The following RALGPS1 variants were observed in gnomAD, a reference collection of about 807,000 sequenced individuals.
RALGPS1 encodes the protein Ral GEF with PH domain and SH3 binding motif 1, also known as ras-specific guanine nucleotide-releasing factor RalGPS1.
Under a neutral mutation model 78.8 loss-of-function variants are expected in RALGPS1, and 19 were observed. That is an observed-to-expected ratio of 0.24 (90% CI 0.17 to 0.35). RALGPS1 has a LOEUF of 0.35. Among genes scored for constraint, RALGPS1 ranks in the 10% least tolerant of loss-of-function variants. The pLI is 1.00. For missense variants in RALGPS1, 454 were observed against 688.3 expected, an observed-to-expected ratio of 0.66 and a Z score of 3.81; for synonymous variants, 228 against 256.3, an observed-to-expected ratio of 0.89 and a Z score of 1.06.
rs1230199298 is a variant in RALGPS1, at chr9:127,178,690, CAA to C, written c.910+3909_910+3910del. Among the ~76,000 whole-genome samples, 17 of 152,326 alleles carry C rather than the reference CAA, an allele frequency of 1.1e-4. No individual in the cohort carries two copies. In the East Asian group the frequency reaches 3.3e-3, roughly 29 times the overall value. On this transcript the variant is annotated intron_variant, in intron 11 of 18. Transcript: ENST00000259351. ...TCCACCCTCTGTTTTCATATGGGCACAACCACCCCTCTTTGGTTGACATATCG... is the reference window on the plus strand; with the variant it reads ...TCCACCCTCTGTTTTCATATGGGCACCCACCCCTCTTTGGTTGACATATCG...
intron 8 of RALGPS1, among the ~76,000 whole-genome samples, chr9:127,128,521 C>T (rs778647766): frequency 1.3e-5 from 2 of 152,194 alleles, no homozygotes; most frequent in Non-Finnish European, 2.9e-5. Context: ...GCTGAGGAGC[C>T]AAAAGGCAGA....
intron 1 of RALGPS1, among the ~76,000 whole-genome samples, chr9:126,933,366 C>T (rs1173453691): frequency 1.3e-5 from 2 of 152,148 alleles, no homozygotes; most frequent in East Asian, 3.9e-4. Context: ...TGACCCCAGT[C>T]TTCGGGCAGG....
At chr9:126,980,674 A>T (rs1301706519) in intron 4 of RALGPS1, among the ~76,000 whole-genome samples, 1 of 152,176 alleles carries the variant, frequency 6.6e-6, no homozygotes, top group Non-Finnish European at 1.5e-5. Flanking sequence ...TTTCTTGCGT[A>T]GTTACTAAGA....
In RALGPS1 at chr9:126,963,752, G is replaced by A. The variant is rs1005010629; in HGVS notation, c.57+1406G>A. ...GAACAAGCTGGCTTGGAATCACACA[G>A]CTGCCATGTGGGTGGGGATTCAAAG... On this transcript the variant is annotated intron_variant, in intron 2 of 18. Transcript: ENST00000259351. 2.6e-5 allele frequency among the ~76,000 whole-genome samples: 4 copies of A among 152,212 alleles called. No individual in the cohort carries two copies. The East Asian group carries it at 5.8e-4, about 22-fold the overall frequency.
chr9:127,052,207 AC>A (rs1194395836), intron 6 of RALGPS1, among the ~76,000 whole-genome samples: 1 of 152,030 alleles, frequency 6.6e-6, no homozygotes, highest in Non-Finnish European at 1.5e-5. Flanking sequence ...GAGAAATGGC[AC>A]CCCCGTCCTG....
chr9:127,106,242 G>T (rs1159669352), intron 8 of RALGPS1, among the ~76,000 whole-genome samples: 2 of 134,470 alleles, frequency 1.5e-5, no homozygotes, highest in Non-Finnish European at 3.5e-5. Flanking sequence ...CTGAGCCTTT[G>T]TTTGGTGCCC....
At chr9:127,081,401 G>T (rs1190002562) in intron 8 of RALGPS1, among the ~76,000 whole-genome samples, 1 of 152,168 alleles carries the variant, frequency 6.6e-6, no homozygotes, top group Non-Finnish European at 1.5e-5. Context: ...GGCCTGCACT[G>T]CCCTGATTGA....
At chr9:126,918,612 C>T (rs60576084) in intron 1 of RALGPS1, among the ~76,000 whole-genome samples, 3,167 of 151,336 alleles carry the variant, frequency 0.021, 109 homozygotes, top group African/African-American at 0.073. Flanking sequence ...TGAGCCACCA[C>T]GTCTAGCAAG....
At chr9:127,078,218 T>TAAC (rs1589345343) in intron 8 of RALGPS1, among the ~76,000 whole-genome samples, 1 of 152,042 alleles carries the variant, frequency 6.6e-6, no homozygotes, top group East Asian at 1.9e-4. Flanking sequence ...TTTTGAAGAG[T>TAAC]GGTTAGCTAC....
chr9:127,134,011 C>CCG (rs1554839734), intron 8 of RALGPS1, among the ~76,000 whole-genome samples: 3 of 150,468 alleles, frequency 2.0e-5, no homozygotes, highest in Admixed American at 6.7e-5. Flanking sequence ...CTCGCTCCCC[C>CCG]CCCCGTGAAT....
intron 8 of RALGPS1, among the ~76,000 whole-genome samples, chr9:127,070,737 A>G (rs916909185): frequency 6.6e-6 from 1 of 152,154 alleles, no homozygotes; most frequent in Non-Finnish European, 1.5e-5. Context: ...ATAACAAGGG[A>G]AACCAACATT....
At chr9:127,025,777 G>C (rs1233379416) in intron 4 of RALGPS1, among the ~76,000 whole-genome samples, 2 of 151,548 alleles carry the variant, frequency 1.3e-5, no homozygotes, top group African/African-American at 4.9e-5. Flanking sequence ...CTGCAGCCTT[G>C]AACTCCTGGG....
At chr9:127,149,492 C>G (rs2058296517) in intron 8 of RALGPS1, among the ~76,000 whole-genome samples, 1 of 152,230 alleles carries the variant, frequency 6.6e-6, no homozygotes, top group Non-Finnish European at 1.5e-5. Context: ...TTCCTGAGCT[C>G]GTGGTAATCC....
chr9:126,944,766 G>C (rs1226191724), intron 1 of RALGPS1, among the ~76,000 whole-genome samples: 2 of 152,086 alleles, frequency 1.3e-5, no homozygotes, highest in Non-Finnish European at 2.9e-5. Context: ...ACCTTTTTCA[G>C]ATGTTACCAG....
intron 5 of RALGPS1, among the ~76,000 whole-genome samples, chr9:127,044,777 T>G (rs2047609481): frequency 6.6e-6 from 1 of 152,088 alleles, no homozygotes; most frequent in Non-Finnish European, 1.5e-5. Flanking sequence ...GTTCCCATCT[T>G]TATGTTGTGG....
chr9:126,958,047 C>G (rs1251000463), intron 1 of RALGPS1, among the ~76,000 whole-genome samples: 1 of 150,666 alleles, frequency 6.6e-6, no homozygotes, highest in Non-Finnish European at 1.5e-5. Context: ...CTGAGGATCC[C>G]TTCAGCCCAG....
At chr9:127,141,709 G>A (rs996451076) in intron 8 of RALGPS1, among the ~76,000 whole-genome samples, 11 of 151,622 alleles carry the variant, frequency 7.3e-5, no homozygotes, top group African/African-American at 2.7e-4. Flanking sequence ...TGTAAGCAGG[G>A]CATAATCTCA....
chr9:127,155,924 G>A (rs1183215788), intron 8 of RALGPS1, among the ~76,000 whole-genome samples: 1 of 151,130 alleles, frequency 6.6e-6, no homozygotes, highest in Non-Finnish European at 1.5e-5. Context: ...TTCTAAAACT[G>A]TAGTATATAT....
intron 4 of RALGPS1, among the ~76,000 whole-genome samples, chr9:126,991,632 A>G (rs2042292204): frequency 6.6e-6 from 1 of 152,170 alleles, no homozygotes; most frequent in East Asian, 1.9e-4. Context: ...TTTTGGAGGC[A>G]GGAAGGTCTG....
Sources: gnomAD v4.1 joint callset for allele counts (sites outside exome capture counted in the v4.1 genomes callset) on GRCh38, gnomAD v4.1.1 for gene constraint, MANE v1.5 for transcripts, NCBI Gene and HGNC (gene_info 2026-07-23, HGNC 2026-07-21) for gene names.